The following CDKL1 variants were observed in gnomAD, a reference collection of about 807,000 sequenced individuals.
CDKL1 encodes cyclin-dependent kinase-like 1.
A neutral mutation model predicts 42.0 loss-of-function variants in CDKL1; 41 were observed. The ratio of observed to expected loss-of-function variants is 0.98; its 90% CI spans 0.76 to 1.27. The LOEUF is 1.27. Ranked by LOEUF, CDKL1 falls within the 50% of genes most tolerant of loss-of-function variation. The probability of loss-of-function intolerance (pLI) is 0.00; values close to 1 mark genes in which losing one functional copy is unlikely to be tolerated. For missense variants in CDKL1, 394 were observed against 428.4 expected, an observed-to-expected ratio of 0.92 and a Z score of 0.71; for synonymous variants, 153 against 158.6, an observed-to-expected ratio of 0.96 and a Z score of 0.26.
chr14:50,362,181 C>A, intron 2 of CDKL1: 1 of 272,182 alleles, frequency 3.7e-6, no homozygotes, highest in Non-Finnish European at 7.2e-6. Flanking sequence ...CCCCCCCACC[C>A]CCACCGTGGG....
rs774848774 is a variant in CDKL1, at chr14:50,342,117, A to T, written c.454+15T>A. The T allele has an allele frequency of 1.2e-6, 2 of 1,607,294 alleles. No homozygotes were observed. Among genetic ancestry groups the T allele is most frequent in the Non-Finnish European group, 1.7e-6 (2 of 1,173,868 alleles). ...TCATTTTTTATACTTAACAAAAGAA[A>T]ATGTCAATACTCACTCAAAAGCCGA... On this transcript the variant is annotated intron_variant, in intron 5 of 9. Transcript: ENST00000395834.
chr14:50,367,705 T>C (rs1356709659), intron 2 of CDKL1, among the ~76,000 whole-genome samples: 2 of 152,156 alleles, frequency 1.3e-5, no homozygotes, highest in East Asian at 1.9e-4. Flanking sequence ...TTAATGACAA[T>C]TCCTTCCTAT....
chr14:50,328,141 T>G lies in CDKL1; in HGVS notation c.*1933A>C. The G allele has an allele frequency of 6.6e-6, 1 of 152,198 alleles. No homozygotes were observed. The highest frequency in any genetic ancestry group is 1.9e-4 in the East Asian group (1 of 5,202). 9.4% of individuals were successfully genotyped at this position (152,198 alleles called of 1,614,324 possible). On this transcript the variant is annotated 3_prime_UTR_variant, in exon 10 of 10. Transcript: ENST00000395834. ...AGAGCTACTTTTCTATTCTGAATAG[T>G]TTTTGGTAAAACTATTGGCTGAATT...
At chr14:50,335,910 T>C in intron 7 of CDKL1, 1 of 1,275,536 alleles carries the variant, frequency 7.8e-7, no homozygotes. Context: ...GAGTTCCCTA[T>C]GTCAACAGGA....
chr14:50,365,508 T>C (rs978842843), intron 2 of CDKL1, among the ~76,000 whole-genome samples: 9 of 152,216 alleles, frequency 5.9e-5, no homozygotes, highest in Non-Finnish European at 1.3e-4. Flanking sequence ...TAACTTTCAC[T>C]GGGTTGCCAG....
Position 50,334,603 on chromosome 14 carries a change from A to G in CDKL1, c.757T>C (p.Phe253Leu). Residue 253 changes from phenylalanine (F) to leucine (L), a missense_variant, in exon 8 of 10, where the codon TTC (phenylalanine) becomes CTC (leucine). Transcript: ENST00000395834. ...PEDMEPLELK[F>L]PNISYPALGL... ...AGGGCAGGATAAGAGATGTTTGGGA[A>G]TTTTAATTCAAGTGGTTCCTGTTGA... 1 of 1,602,286 alleles carries G rather than the reference A, an allele frequency of 6.2e-7. No homozygotes were observed. Among genetic ancestry groups the G allele is most frequent in the Non-Finnish European group, 8.6e-7 (1 of 1,169,294 alleles).
intron 2 of CDKL1, among the ~76,000 whole-genome samples, chr14:50,383,388 A>G (rs1209084764): frequency 6.6e-6 from 1 of 152,030 alleles, no homozygotes; most frequent in Non-Finnish European, 1.5e-5. Flanking sequence ...TACCTCCACT[A>G]AAAATACAAA....
intron 2 of CDKL1, 60 bp downstream of exon 2, chr14:50,395,641 T>G: frequency 8.4e-7 from 1 of 1,196,712 alleles, no homozygotes; most frequent in Non-Finnish European, 1.2e-6. Context: ...CACTCCAGCC[T>G]GGGAGACAGA....
In CDKL1 at chr14:50,328,715, C is replaced by T. The variant is rs1361877889; in HGVS notation, c.*1359G>A. On this transcript the variant is annotated 3_prime_UTR_variant, in exon 10 of 10. Coordinates refer to ENST00000395834, the MANE Select transcript of CDKL1 (RefSeq NM_004196.7). ...AGCTAATTATGTCATTTTGGCCAGG[C>T]GCAGTGGCTCATGCCTGTAATGCCA... is the stretch of plus-strand genomic sequence containing the variant. 2.0e-5 allele frequency: 3 copies of T among 151,982 alleles called. No individual in the cohort carries two copies. The highest frequency in any genetic ancestry group is 2.1e-4 in the South Asian group (1 of 4,824). The allele number at this position is 151,982 out of a possible 1,614,324, so 9.4% of individuals were successfully genotyped here. A position where few individuals can be genotyped will look rare whatever the true frequency, so the allele number is the denominator to read the frequency against.
At chr14:50,374,377 A>G (rs2034671254) in intron 2 of CDKL1, among the ~76,000 whole-genome samples, 1 of 152,270 alleles carries the variant, frequency 6.6e-6, no homozygotes, top group Non-Finnish European at 1.5e-5. Context: ...GGCAAAATGC[A>G]TAGAACTTTA....
intron 2 of CDKL1, among the ~76,000 whole-genome samples, chr14:50,393,248 C>A (rs1213708745): frequency 3.3e-5 from 5 of 152,218 alleles, no homozygotes; most frequent in Non-Finnish European, 7.3e-5. Flanking sequence ...CAAGGGTACA[C>A]ATGCCCTGCT....
chr14:50,353,798 G>C (rs1346997194), intron 3 of CDKL1, among the ~76,000 whole-genome samples: 1 of 152,034 alleles, frequency 6.6e-6, no homozygotes, highest in African/African-American at 2.4e-5. Flanking sequence ...CAGGAGGCTG[G>C]AACAGGAGGA....
At chr14:50,344,437 T>C (rs2033658288) in intron 4 of CDKL1, among the ~76,000 whole-genome samples, 1 of 151,240 alleles carries the variant, frequency 6.6e-6, no homozygotes. Context: ...CTAAGCAGTA[T>C]AAATGTATGA....
rs1487535393 is a variant in CDKL1 at position 50,395,875 on chromosome 14, G to A, written c.-7C>T. ...TTTTTTCATACTTCTCCATCATAGA[G>A]GAATAAATCTTCTTAAAATGGATCT... On this transcript the variant is annotated 5_prime_UTR_variant, in exon 2 of 10. Transcript: ENST00000395834. 4.3e-6 allele frequency: 7 copies of A among 1,611,066 alleles called. No individual in the cohort carries two copies. The highest frequency in any genetic ancestry group is 1.7e-5 in the Admixed American group (1 of 59,994).
intron 2 of CDKL1, among the ~76,000 whole-genome samples, chr14:50,367,626 A>G (rs1041798857): frequency 6.6e-6 from 1 of 152,252 alleles, no homozygotes; most frequent in Non-Finnish European, 1.5e-5. Flanking sequence ...TTCACGGTAC[A>G]TACAAGTAAA....
intron 2 of CDKL1, among the ~76,000 whole-genome samples, chr14:50,372,194 A>G (rs2034609193): frequency 6.6e-6 from 1 of 151,586 alleles, no homozygotes. Flanking sequence ...GCTCACTGCA[A>G]CCCTTGCCTC....
At chr14:50,357,282 C>T (rs2034083175) in intron 3 of CDKL1, 1 of 152,136 alleles carries the variant, frequency 6.6e-6, no homozygotes. Flanking sequence ...AACCACAAGC[C>T]GCTTCCATTC....
At position 50,362,998 on chromosome 14, in the gene CDKL1, C is replaced by A. The variant is rs150692293; in HGVS notation, c.169-3849G>T. ...CTGCTGTAACACTTATGGCAAAGGG[C>A]TGCAGCTTCACTCTTGAAGCCAGGG... On this transcript the variant is annotated intron_variant, in intron 2 of 9. Transcript: ENST00000395834. 595 of 462,062 alleles carry A rather than the reference C, an allele frequency of 1.3e-3. 8 individuals carry two copies. The highest frequency in any genetic ancestry group is 0.011 in the African/African-American group (529 of 50,082). 28.6% of individuals were successfully genotyped at this position (462,062 alleles called of 1,614,324 possible). A position where few individuals can be genotyped will look rare whatever the true frequency, so the allele number is the denominator to read the frequency against.
intron 2 of CDKL1, among the ~76,000 whole-genome samples, chr14:50,391,956 A>T (rs201645883): frequency 6.6e-6 from 1 of 152,174 alleles, no homozygotes; most frequent in East Asian, 1.9e-4. Context: ...TGCCCATATC[A>T]TTATCTCCAC....
Sources: allele counts gnomAD v4.1 joint callset (sites outside exome capture counted in the v4.1 genomes callset), GRCh38; gene constraint gnomAD v4.1.1; transcripts MANE v1.5; gene names NCBI Gene and HGNC (gene_info 2026-07-23, HGNC 2026-07-21).